The following GPHN variants were observed in gnomAD, a reference collection of about 807,000 sequenced individuals.
The protein encoded by GPHN is gephyrin.
GPHN carries 17 observed loss-of-function variants against 95.5 expected under a neutral mutation model. The observed-to-expected ratio is 0.18, with a 90% CI of 0.12 to 0.27. The LOEUF is 0.27. GPHN is among the 10% of genes least tolerant of loss of function. GPHN has a pLI of 1.00. For missense variants in GPHN, 660 were observed against 978.1 expected, an observed-to-expected ratio of 0.67 and a Z score of 4.34; for synonymous variants, 320 against 322.5, an observed-to-expected ratio of 0.99 and a Z score of 0.08.
the GPHN span, among the ~76,000 whole-genome samples, chr14:67,288,256 AT>A: frequency 6.6e-6 from 1 of 151,858 alleles, no homozygotes; most frequent in Non-Finnish European, 1.5e-5. Flanking sequence ...ATTTTTTTGT[AT>A]TTTCAGTAGA....
the GPHN span, among the ~76,000 whole-genome samples, chr14:67,263,578 A>C: frequency 2.0e-5 from 3 of 152,212 alleles, no homozygotes; most frequent in Non-Finnish European, 2.9e-5. Context: ...AGACTAAAGA[A>C]AAATAATGGC....
chr14:66,742,385 G>T (rs1480379847), intron 2 of GPHN, among the ~76,000 whole-genome samples: 1 of 152,100 alleles, frequency 6.6e-6, no homozygotes, highest in East Asian at 1.9e-4. Flanking sequence ...GGATAATTAT[G>T]CACATTCCTA....
At chr14:67,435,207 T>A in the GPHN span, among the ~76,000 whole-genome samples, 3 of 152,118 alleles carry the variant, frequency 2.0e-5, no homozygotes, top group Non-Finnish European at 2.9e-5. Flanking sequence ...CCTCAGGTGA[T>A]CCACCTGCCT....
Position 66,554,841 on chromosome 14 carries a change from G to T in GPHN, c.64+46250G>T, listed in dbSNP as rs566764228. Among the ~76,000 whole-genome samples the T allele has an allele frequency of 2.6e-5, 4 of 152,268 alleles. No individual in the cohort carries two copies. The South Asian group carries it at 8.3e-4, about 32-fold the overall frequency. ...GATTTCATACATGCTGGGTTGAATG[G>T]GTAGGTGATAGGTACCTCCAATGTG... On this transcript the variant is annotated intron_variant, in intron 1 of 22. Transcript: ENST00000478722.
chr14:66,753,362 T>C (rs369306328), intron 2 of GPHN, among the ~76,000 whole-genome samples: 68 of 152,210 alleles, frequency 4.5e-4, no homozygotes, highest in African/African-American at 1.5e-3. Context: ...AGCCATGTAC[T>C]CATGAATGAA....
intron 1 of GPHN, among the ~76,000 whole-genome samples, chr14:66,640,606 AC>A (rs1253149242): frequency 6.6e-6 from 1 of 152,140 alleles, no homozygotes; most frequent in African/African-American, 2.4e-5. Flanking sequence ...TGCTACTAGT[AC>A]TTTTGTTTGA....
chr14:66,585,374 G>C (rs905382654), intron 1 of GPHN, among the ~76,000 whole-genome samples: 2 of 151,902 alleles, frequency 1.3e-5, no homozygotes, highest in African/African-American at 4.8e-5. Flanking sequence ...AGCGTTTTTT[G>C]TGTCTCTATT....
the GPHN span, among the ~76,000 whole-genome samples, chr14:67,490,688 T>G: frequency 7.8e-4 from 118 of 152,072 alleles, no homozygotes; most frequent in South Asian, 8.5e-3. Context: ...AAATCAGATC[T>G]CTCTCCCCGG....
At chr14:67,394,609 T>C in the GPHN span, among the ~76,000 whole-genome samples, 4 of 152,024 alleles carry the variant, frequency 2.6e-5, no homozygotes, top group African/African-American at 7.2e-5. Flanking sequence ...GGGGAGTTTT[T>C]GTGAGCCCAG....
the GPHN span, among the ~76,000 whole-genome samples, chr14:67,590,981 A>G: frequency 3.9e-5 from 6 of 152,232 alleles, no homozygotes; most frequent in Non-Finnish European, 8.8e-5. Flanking sequence ...TACACAATGA[A>G]ATGTAATAAC....
intron 1 of GPHN, among the ~76,000 whole-genome samples, chr14:66,610,429 T>C (rs199747905): frequency 6.6e-6 from 1 of 152,222 alleles, no homozygotes; most frequent in East Asian, 1.9e-4. Flanking sequence ...CTATGTTGCC[T>C]TTGAACTCTT....
chr14:66,620,060 C>T (rs2063226189), intron 1 of GPHN, among the ~76,000 whole-genome samples: 1 of 152,012 alleles, frequency 6.6e-6, no homozygotes, highest in African/African-American at 2.4e-5. Context: ...CACTGCCCTA[C>T]CTGTTAATGA....
intron 1 of GPHN, among the ~76,000 whole-genome samples, chr14:66,573,602 G>A (rs8004014): frequency 0.25 from 38,153 of 151,616 alleles, 9,648 homozygotes; most frequent in African/African-American, 0.62. Context: ...ACAGGCAGGC[G>A]CCTGCCACCA....
chr14:67,193,326 ATCTC>A, the GPHN span, among the ~76,000 whole-genome samples: 2 of 139,410 alleles, frequency 1.4e-5, no homozygotes, highest in South Asian at 2.3e-4. Flanking sequence ...ATATCTATAT[ATCTC>A]TATATAGATA....
the GPHN span, among the ~76,000 whole-genome samples, chr14:67,449,752 G>T: frequency 6.6e-6 from 1 of 152,106 alleles, no homozygotes; most frequent in Admixed American, 6.5e-5. Context: ...GGTATTTCTC[G>T]TGCTGTTCTT....
chr14:66,516,181 T>C (rs1179509633), intron 1 of GPHN, among the ~76,000 whole-genome samples: 1 of 151,232 alleles, frequency 6.6e-6, no homozygotes, highest in Non-Finnish European at 1.5e-5. Context: ...TAATTTTTTT[T>C]TTTTTTTTGT....
chr14:66,578,259 A>T (rs1188972866), intron 1 of GPHN, among the ~76,000 whole-genome samples: 2 of 151,652 alleles, frequency 1.3e-5, no homozygotes, highest in Admixed American at 1.3e-4. Flanking sequence ...ATTAGAAATT[A>T]CCCAGTCAGA....
chr14:67,295,404 CA>C, the GPHN span, among the ~76,000 whole-genome samples: 2 of 151,150 alleles, frequency 1.3e-5, no homozygotes, highest in African/African-American at 4.9e-5. Context: ...GCAGGAGAAT[CA>C]CTTAAACCCG....
Position 66,776,470 on chromosome 14 carries a change from TG to T in GPHN, c.153del (p.Thr52LeufsTer7). 2 of 1,558,364 alleles carry T rather than the reference TG, an allele frequency of 1.3e-6. No homozygotes were observed. Among genetic ancestry groups the T allele is most frequent in the Non-Finnish European group, 1.8e-6 (2 of 1,131,068 alleles). Reference sequence around the variant, plus strand: ...TTTCTTCTCCTAATTTCAGGTTGGGTGGGACTATATCAGCATACAAGATAGT... The same window carrying T: ...TTTCTTCTCCTAATTTCAGGTTGGGTGGACTATATCAGCATACAAGATAGT... The part of the protein sequence containing the change: ...DLVQDPSLLG[G>X]TISAYKIVPD... On this transcript the variant is annotated frameshift_variant, in exon 3 of 23. Coordinates refer to ENST00000478722, the MANE Select transcript of GPHN (RefSeq NM_020806.5). LOFTEE classifies it high-confidence loss of function.
Sources: gnomAD v4.1 joint callset for allele counts (sites outside exome capture counted in the v4.1 genomes callset) on GRCh38, gnomAD v4.1.1 for gene constraint, MANE v1.5 for transcripts, NCBI Gene and HGNC (gene_info 2026-07-23, HGNC 2026-07-21) for gene names.